Variants in LSS observed in about 807,000 individuals in gnomAD.
LSS encodes the protein lanosterol synthase.
LSS carries 90 observed loss-of-function variants against 110.3 expected under a neutral mutation model. That is an observed-to-expected ratio of 0.82 (90% CI 0.69 to 0.97). LSS has a LOEUF of 0.97. LSS is among the 50% of genes least tolerant of loss of function. The probability of loss-of-function intolerance (pLI) is 0.00; values close to 1 mark genes in which losing one functional copy is unlikely to be tolerated. For synonymous variants in LSS, 433 were observed against 400.0 expected (o/e 1.08, Z -0.98); for missense variants, 927 against 990.0 (o/e 0.94, Z 0.85).
intron 9 of LSS, among the ~76,000 whole-genome samples, chr21:46,214,426 G>A (rs2080173337): frequency 2.0e-5 from 3 of 152,262 alleles, no homozygotes; most frequent in Admixed American, 6.5e-5. Context: ...GGGACCCGCT[G>A]CAGGGTCAGT....
intron 5 of LSS, among the ~76,000 whole-genome samples, chr21:46,219,970 A>G (rs1239198112): frequency 6.6e-6 from 1 of 152,196 alleles, no homozygotes; most frequent in Non-Finnish European, 1.5e-5. Flanking sequence ...GCGCACACTC[A>G]GCCTCGCCCT....
intron 3 of LSS, among the ~76,000 whole-genome samples, chr21:46,223,141 G>A (rs2080297988): frequency 6.6e-6 from 1 of 152,192 alleles, no homozygotes; most frequent in Non-Finnish European, 1.5e-5. Flanking sequence ...ACATCTGCTG[G>A]GAAGAAAAAT....
chr21:46,212,398 G>A (rs2080145344), intron 11 of LSS, among the ~76,000 whole-genome samples: 1 of 152,224 alleles, frequency 6.6e-6, no homozygotes, highest in African/African-American at 2.4e-5. Context: ...AAGACACAGG[G>A]CAACACTGTC....
rs2079798965 is a variant in LSS, at chr21:46,190,750, T to G, written c.*354A>C. 7.9e-6 allele frequency: 2 copies of G among 253,382 alleles called. No individual in the cohort carries two copies. Among genetic ancestry groups the G allele is most frequent in the South Asian group, 1.4e-4 (2 of 14,302 alleles). 15.7% of individuals were successfully genotyped at this position (253,382 alleles called of 1,614,324 possible). The stretch of plus-strand genomic sequence containing the variant: ...AATCACACAGGCACAGCTGCTCCTC[T>G]CCCAAGAACTCAGCTATTGGTCAGA... On this transcript the variant is annotated 3_prime_UTR_variant, in exon 22 of 22. Coordinates refer to ENST00000397728, the MANE Select transcript of LSS (RefSeq NM_002340.6). The surrounding 1 kb of genome is among the most constrained non-coding windows in gnomAD (Gnocchi z 4.6).
At chr21:46,192,293 A>G (rs1300373240) in intron 20 of LSS, 2 of 451,010 alleles carry the variant, frequency 4.4e-6, no homozygotes, top group African/African-American at 4.0e-5. Context: ...GACCCACAGG[A>G]GCTCACACTT....
At chr21:46,201,801 C>A (rs980198119) in intron 17 of LSS, among the ~76,000 whole-genome samples, 37 of 144,998 alleles carry the variant, frequency 2.6e-4, no homozygotes, top group African/African-American at 9.4e-4. Context: ...AGTTTAAAAT[C>A]TTTTTTTTTT....
intron 14 of LSS, among the ~76,000 whole-genome samples, chr21:46,207,971 T>C (rs538632386): frequency 6.6e-6 from 1 of 152,376 alleles, no homozygotes; most frequent in East Asian, 1.9e-4. Flanking sequence ...ACACACTGGC[T>C]ACACTTCGGC....
intron 17 of LSS, among the ~76,000 whole-genome samples, chr21:46,204,221 G>A (rs148806114): frequency 4.5e-4 from 69 of 152,134 alleles, no homozygotes; most frequent in African/African-American, 1.5e-3. Flanking sequence ...CTTGAACCCC[G>A]GAAACGGAGG....
rs1645512582 is a variant in LSS at position 46,188,933 on chromosome 21, T to C, written c.*2171A>G. Reference sequence around the variant, plus strand: ...GCCTTTAAAACATATTAAAATAGGCTATGCTATTATCTCTTAAAATATCTG... The same window carrying C: ...GCCTTTAAAACATATTAAAATAGGCCATGCTATTATCTCTTAAAATATCTG... On this transcript the variant is annotated 3_prime_UTR_variant, in exon 22 of 22. Transcript: ENST00000397728. The C allele has an allele frequency of 5.3e-6, 2 of 378,172 alleles. No homozygotes were observed. The highest frequency in any genetic ancestry group is 1.1e-5 in the Non-Finnish European group (2 of 184,996). 23.4% of individuals were successfully genotyped at this position (378,172 alleles called of 1,614,324 possible).
chr21:46,219,714 C>T (rs200853185), intron 5 of LSS, 142 bp from the exon 6 acceptor site: 49 of 509,544 alleles, frequency 9.6e-5, no homozygotes, highest in East Asian at 8.2e-4. Context: ...GATCTTGCGA[C>T]CCCCATGTGC....
In LSS at chr21:46,200,414, G is replaced by A. The variant is rs188361287; in HGVS notation, c.1671-4147C>T. Among the ~76,000 whole-genome samples the A allele has an allele frequency of 1.6e-3, 242 of 152,236 alleles. 1 individual carries two copies. The highest frequency in any genetic ancestry group is 2.6e-3 in the Non-Finnish European group (178 of 68,032). ...AAGAAAAAAAAAGCAACTTCATAGC[G>A]GAGAAACTAAGTACAGCGGTCATCA... On this transcript the variant is annotated intron_variant, in intron 17 of 21. Transcript: ENST00000397728.
At chr21:46,195,467 C>T (rs544572255) in intron 19 of LSS, among the ~76,000 whole-genome samples, 6 of 152,190 alleles carry the variant, frequency 3.9e-5, no homozygotes, top group Admixed American at 2.0e-4. Flanking sequence ...CCCAGCTACT[C>T]GGGAGGATCG....
chr21:46,208,120 A>G (rs963343928), intron 14 of LSS, 131 bp downstream of exon 14: 8 of 780,850 alleles, frequency 1.0e-5, no homozygotes, highest in Non-Finnish European at 1.7e-5. Context: ...CATCCACCAC[A>G]GCAGGACACC....
At position 46,191,182 on chromosome 21, in the gene LSS, G is replaced by A. The variant is rs1427297246; in HGVS notation, c.2121C>T (p.Tyr707=). ...GGGCCCAGATGGGGAAGATGTTCCT[G>A]TAGCTCGTGTAGGAGATGGCACAGG... ...NKSCAISYTS[Y]RNIFPIWALG... Residue 707 remains tyrosine (Y), a synonymous_variant, in exon 22 of 22, where the codon TAC becomes TAT. Transcript: ENST00000397728. The A allele has an allele frequency of 2.5e-6, 4 of 1,614,048 alleles. No individual in the cohort carries two copies. The highest frequency in any genetic ancestry group is 2.7e-5 in the African/African-American group (2 of 74,948).
intron 17 of LSS, among the ~76,000 whole-genome samples, chr21:46,202,202 G>C (rs1445490378): frequency 7.0e-6 from 1 of 142,934 alleles, no homozygotes; most frequent in East Asian, 2.1e-4. Flanking sequence ...AGACCATCCT[G>C]GCTAAAACGG....
chr21:46,191,174 A>T lies in LSS; in HGVS notation c.2129T>A (p.Ile710Asn). 6.2e-7 allele frequency: 1 copy of T among 1,614,172 alleles called. No individual in the cohort carries two copies. The highest frequency in any genetic ancestry group is 1.1e-5 in the South Asian group (1 of 91,086). The stretch of plus-strand genomic sequence containing the variant: ...GCGGCCGAGGGCCCAGATGGGGAAG[A>T]TGTTCCTGTAGCTCGTGTAGGAGAT... The part of the protein sequence containing the change: ...CAISYTSYRN[I>N]FPIWALGRFS... Residue 710 changes from isoleucine to asparagine, a missense_variant, in exon 22 of 22, where the codon ATC becomes AAC. Physicochemically the swap from Ile to Asn is moderately radical, Grantham distance 149. Transcript: ENST00000397728.
intron 16 of LSS, among the ~76,000 whole-genome samples, 184 bp from the exon 17 acceptor site, chr21:46,206,125 G>A (rs967865967): frequency 6.6e-6 from 1 of 152,218 alleles, no homozygotes; most frequent in Non-Finnish European, 1.5e-5. Context: ...ACCTGAGAGC[G>A]AAGATGAGGG....
In LSS at chr21:46,216,553, A is replaced by C. The variant is rs1042002970; in HGVS notation, c.648-29T>G. 1 of 1,549,256 alleles carries C rather than the reference A, an allele frequency of 6.5e-7. No homozygotes were observed. On this transcript the variant is annotated intron_variant, in intron 6 of 21. Coordinates refer to ENST00000397728, the MANE Select transcript of LSS (RefSeq NM_002340.6). The surrounding 1 kb of genome is among the most constrained non-coding windows in gnomAD (Gnocchi z 4.2). ...GGGCAACAGCAGGAGTCAGTGGGAG[A>C]CCCCAAGACTCAAGCCTGCCCCCTC...
rs150359471 is a variant in LSS at position 46,205,152 on chromosome 21, A to C, written c.1670+684T>G. Among the ~76,000 whole-genome samples the C allele has an allele frequency of 6.6e-3, 1,009 of 152,350 alleles. 8 individuals carry two copies. Among genetic ancestry groups the C allele is most frequent in the African/African-American group, 0.023 (956 of 41,574 alleles). ...AAAAGATAAGTACAAGAGTGTTCAC[A>C]GTAGATGCTTCATAATAACCCAGAC... On this transcript the variant is annotated intron_variant, in intron 17 of 21. Coordinates refer to ENST00000397728, the MANE Select transcript of LSS (RefSeq NM_002340.6).
Sources: allele counts gnomAD v4.1 joint callset (sites outside exome capture counted in the v4.1 genomes callset), GRCh38; gene constraint gnomAD v4.1.1; non-coding constraint Gnocchi (gnomAD v3.1); transcripts MANE v1.5; gene names NCBI Gene and HGNC (gene_info 2026-07-23, HGNC 2026-07-21).